The following ANKRD18B variants were observed in gnomAD, a reference collection of about 807,000 sequenced individuals.
ANKRD18B encodes the protein ankyrin repeat domain 18B.
A neutral mutation model predicts 111.8 loss-of-function variants in ANKRD18B; 75 were observed. That is an observed-to-expected ratio of 0.67 (90% confidence interval 0.56 to 0.81). The LOEUF (loss-of-function observed/expected upper bound fraction) is 0.81, where lower values mean the gene tolerates loss of function less well. Among genes scored for constraint, ANKRD18B ranks in the 40% least tolerant of loss-of-function variants. The pLI, the probability that ANKRD18B is intolerant of heterozygous loss-of-function variation, is 0.00. For missense variants in ANKRD18B, 1,038 were observed against 1,225.5 expected (o/e 0.85, Z 2.28); for synonymous variants, 356 against 417.3 (o/e 0.85, Z 1.79).
At chr9:33,531,682 T>C (rs1179051713) in intron 3 of ANKRD18B, among the ~76,000 whole-genome samples, 1 of 150,820 alleles carries the variant, frequency 6.6e-6, no homozygotes, top group Non-Finnish European at 1.5e-5. Context: ...TATAGTATAT[T>C]TTCATAAAGA....
intron 3 of ANKRD18B, among the ~76,000 whole-genome samples, chr9:33,531,382 T>C (rs994391593): frequency 3.9e-5 from 6 of 152,186 alleles, no homozygotes; most frequent in African/African-American, 7.2e-5. Flanking sequence ...TCATAGCAAA[T>C]ATAAAAACAC....
intron 1 of ANKRD18B, among the ~76,000 whole-genome samples, 189 bp downstream of exon 1, chr9:33,524,884 CA>C: frequency 6.6e-6 from 1 of 152,356 alleles, no homozygotes; most frequent in Non-Finnish European, 1.5e-5. Context: ...ATTTAACTCA[CA>C]AAGTTAAGCA....
intron 4 of ANKRD18B, chr9:33,533,796 T>A: frequency 1.5e-6 from 1 of 683,796 alleles, no homozygotes; most frequent in East Asian, 5.3e-5. Flanking sequence ...CCTGTAATCT[T>A]ATATTAGCTA....
At chr9:33,534,857 C>T (rs1828173381) in intron 5 of ANKRD18B, among the ~76,000 whole-genome samples, 1 of 128,788 alleles carries the variant, frequency 7.8e-6, no homozygotes. Context: ...GACAAGGTCT[C>T]ACTCTGTTGC....
chr9:33,564,200 T>C (rs1828651972), intron 14 of ANKRD18B, among the ~76,000 whole-genome samples: 1 of 152,232 alleles, frequency 6.6e-6, no homozygotes, highest in Non-Finnish European at 1.5e-5. Context: ...CTTCAAGTGA[T>C]TCTCCTGCCT....
chr9:33,527,927 C>A (rs1464980261), intron 1 of ANKRD18B, among the ~76,000 whole-genome samples: 1 of 152,170 alleles, frequency 6.6e-6, no homozygotes, highest in Non-Finnish European at 1.5e-5. Context: ...GTGACCTAAT[C>A]TTTAAATCAT....
intron 1 of ANKRD18B, among the ~76,000 whole-genome samples, chr9:33,527,912 A>T (rs1365070286): frequency 6.6e-6 from 1 of 152,248 alleles, no homozygotes; most frequent in Non-Finnish European, 1.5e-5. Context: ...GAGATATGCT[A>T]AAATGTGACC....
downstream of ANKRD18B, among the ~76,000 whole-genome samples, chr9:33,574,181 T>TGAGCAG (rs745456440): frequency 1.8e-5 from 2 of 110,232 alleles, no homozygotes; most frequent in Admixed American, 1.0e-4. Flanking sequence ...GGGGACCAGG[T>TGAGCAG]CAGTGGGAAA....
intron 14 of ANKRD18B, among the ~76,000 whole-genome samples, chr9:33,560,687 G>A (rs1407251438): frequency 2.0e-5 from 3 of 152,130 alleles, no homozygotes; most frequent in African/African-American, 7.2e-5. Context: ...TAGGCCAGGG[G>A]TGTTGGCTCA....
chr9:33,564,895 A>T (rs1828663181), intron 14 of ANKRD18B, among the ~76,000 whole-genome samples: 1 of 151,968 alleles, frequency 6.6e-6, no homozygotes, highest in African/African-American at 2.4e-5. Context: ...CCTAGTTTTG[A>T]ACTCAGATTA....
intron 15 of ANKRD18B, 120 bp downstream of exon 15, chr9:33,566,620 G>GTAGA: frequency 1.6e-6 from 2 of 1,238,824 alleles, no homozygotes; most frequent in Non-Finnish European, 2.2e-6. Context: ...AATTTCCTTT[G>GTAGA]TAGAGCTCTA....
chr9:33,570,541 G>A (rs1455884771), intron 17 of ANKRD18B, among the ~76,000 whole-genome samples: 1 of 150,646 alleles, frequency 6.6e-6, no homozygotes, highest in Non-Finnish European at 1.5e-5. Flanking sequence ...ATTTATTGAA[G>A]TAAAAAATGG....
intron 3 of ANKRD18B, 136 bp from the exon 4 acceptor site, chr9:33,533,303 A>G: frequency 6.9e-7 from 1 of 1,438,952 alleles, no homozygotes; most frequent in Middle Eastern, 2.2e-4. Flanking sequence ...CAGAGGAGTG[A>G]AAGGGACGGG....
chr9:33,537,773 C>T (rs997715836), intron 6 of ANKRD18B, among the ~76,000 whole-genome samples: 3 of 152,118 alleles, frequency 2.0e-5, no homozygotes, highest in Non-Finnish European at 2.9e-5. Flanking sequence ...TGACTGGAAA[C>T]TTTACTGATA....
At chr9:33,544,839 A>G (rs1828332000) in intron 10 of ANKRD18B, among the ~76,000 whole-genome samples, 1 of 151,816 alleles carries the variant, frequency 6.6e-6, no homozygotes, top group African/African-American at 2.4e-5. Flanking sequence ...GTCCATCTCA[A>G]AAAAAAAATT....
chr9:33,566,454 A>G lies in ANKRD18B; in HGVS notation c.2696A>G (p.Glu899Gly), dbSNP rs916586278. The change falls in exon 15 of 19, where the codon GAA becomes GGA. Residue 899 changes from glutamate to glycine, a missense_variant. Glu to Gly is a moderately conservative substitution (Grantham distance 98). This residue lies in a region of ANKRD18B where 524 missense variants were observed against 677.9 expected (regional missense o/e 0.77). Transcript: ENST00000684830. Reference protein sequence around the residue: ...KVQEYKSELDERAMQAIEKLE... With the variant: ...KVQEYKSELDGRAMQAIEKLE... ...CAAGAATATAAATCGGAGCTGGATG[A>G]AAGGGCAATGCAGGCAATAGAAAAA... The G allele has an allele frequency of 5.0e-6, 8 of 1,609,936 alleles. No homozygotes were observed. In the African/African-American group the frequency reaches 8.0e-5, roughly 16 times the overall value.
intron 5 of ANKRD18B, 65 bp downstream of exon 5, chr9:33,534,572 C>T: frequency 6.9e-7 from 1 of 1,441,448 alleles, no homozygotes; most frequent in Non-Finnish European, 9.1e-7. Flanking sequence ...ATAACTATTG[C>T]ATCTTATACA....
Position 33,532,017 on chromosome 9 carries a change from G to A in ANKRD18B, c.496-1422G>A, listed in dbSNP as rs1007408011. ...TGGGAGGCCGAGGAGGGCAGATCACGAGGTCAGGAGATGGAGACCATCCTG... is the reference window on the plus strand; with the variant it reads ...TGGGAGGCCGAGGAGGGCAGATCACAAGGTCAGGAGATGGAGACCATCCTG... On this transcript the variant is annotated intron_variant, in intron 3 of 18. Transcript: ENST00000684830. 7.2e-5 allele frequency among the ~76,000 whole-genome samples: 11 copies of A among 152,168 alleles called. 1 individual carries two copies. Among genetic ancestry groups the A allele is most frequent in the East Asian group, 5.8e-4 (3 of 5,172 alleles).
rs543181863 is a variant in ANKRD18B at position 33,554,261 on chromosome 9, T to A, written c.2218-1447T>A. The stretch of plus-strand genomic sequence containing the variant: ...TATCCTAAGGGTGAGACAGCCCCCC[T>A]TCAAGATTAGAAAATAACAGTGTAC... On this transcript the variant is annotated intron_variant, in intron 12 of 18. Coordinates refer to ENST00000684830, the MANE Select transcript of ANKRD18B (RefSeq NM_001393611.1). Among the ~76,000 whole-genome samples the A allele has an allele frequency of 5.4e-4, 82 of 152,140 alleles. 2 individuals carry two copies. The South Asian group carries it at 0.017, about 31-fold the overall frequency.
Sources: allele counts gnomAD v4.1 joint callset (sites outside exome capture counted in the v4.1 genomes callset), GRCh38; gene constraint gnomAD v4.1.1; regional missense constraint gnomAD v4.1.1; transcripts MANE v1.5; gene names NCBI Gene and HGNC (gene_info 2026-07-23, HGNC 2026-07-21).